Variants in DET1 observed in about 807,000 individuals in gnomAD.
DET1 encodes DET1 partner of COP1 E3 ubiquitin ligase.
DET1 carries 22 observed loss-of-function variants against 43.7 expected under a neutral mutation model. The ratio of observed to expected loss-of-function variants is 0.50; its 90% confidence interval spans 0.36 to 0.72. The LOEUF (loss-of-function observed/expected upper bound fraction) is 0.72, where lower values mean the gene tolerates loss of function less well. Ranked by LOEUF, DET1 falls within the 30% of genes least tolerant of loss-of-function variation. The pLI is 0.00. For missense variants in DET1, 713 were observed against 713.3 expected (o/e 1.00, Z 0.00); for synonymous variants, 315 against 266.2 (o/e 1.18, Z -1.79).
rs547746422 is a variant in DET1, at chr15:88,531,351, G to A, written c.355C>T (p.Arg119Trp). 29 of 1,614,004 alleles carry A rather than the reference G, an allele frequency of 1.8e-5. No individual in the cohort carries two copies. The East Asian group carries it at 2.2e-4, about 12-fold the overall frequency. ...AGGACAAAAAAGCGTTCAAAGAGCC[G>A]GCCCCGGATATTCACTGACCGCTGG... ...NDQRSVNIRG[R>W]LFERFFVLLH... Residue 119 changes from arginine (R) to tryptophan (W), a missense_variant, in exon 2 of 5, where the codon CGG (arginine) becomes TGG (tryptophan). By Grantham distance (101) the Arg-to-Trp change is moderately radical. Transcript: ENST00000268148. The surrounding 1 kb of genome is among the most constrained non-coding windows in gnomAD (Gnocchi z 6.2).
intron 1 of DET1, among the ~76,000 whole-genome samples, chr15:88,538,307 G>A (rs1457965487): frequency 6.6e-6 from 1 of 150,636 alleles, no homozygotes; most frequent in Non-Finnish European, 1.5e-5. Context: ...AGATACTGTG[G>A]CAAGCTATAT....
At chr15:88,524,407 C>A (rs544337141) in intron 3 of DET1, among the ~76,000 whole-genome samples, 1 of 152,140 alleles carries the variant, frequency 6.6e-6, no homozygotes, top group Non-Finnish European at 1.5e-5. Flanking sequence ...CCGGCTGCCC[C>A]GTCTGGGAAG....
At chr15:88,517,068 T>A in intron 3 of DET1, 95 bp from the exon 4 acceptor site, 1 of 891,642 alleles carries the variant, frequency 1.1e-6, no homozygotes, top group African/African-American at 1.8e-5. Flanking sequence ...GAACAACTCA[T>A]TCTTTAAATA....
At chr15:88,524,659 G>C (rs1460569084) in intron 3 of DET1, among the ~76,000 whole-genome samples, 2 of 152,196 alleles carry the variant, frequency 1.3e-5, no homozygotes, top group Non-Finnish European at 2.9e-5. Context: ...CCCCAACCCT[G>C]TGCTCTCTGA....
In DET1 at chr15:88,531,596, T is replaced by A; in HGVS notation, c.110A>T (p.His37Leu). The change falls in exon 2 of 5, where the codon CAC becomes CTC. Residue 37 changes from histidine (H) to leucine (L), a missense_variant. By Grantham distance (99) the His-to-Leu change is moderately conservative (BLOSUM62 -3). Transcript: ENST00000268148. This position sits in a 1 kb window ranked among gnomAD's most constrained non-coding sequence, Gnocchi z 6.2. ...ISSGKAGTHWHQVRVFHQNVF... is the reference protein window; with the variant it reads ...ISSGKAGTHWLQVRVFHQNVF... The stretch of plus-strand genomic sequence containing the variant: ...ATTCTGATGGAACACTCGGACTTGG[T>A]GCCAGTGGGTACCTGCCTTGCCTGA... The A allele has an allele frequency of 6.2e-7, 1 of 1,614,036 alleles. No individual in the cohort carries two copies. Among genetic ancestry groups the A allele is most frequent in the Non-Finnish European group, 8.5e-7 (1 of 1,179,888 alleles).
downstream of DET1, among the ~76,000 whole-genome samples, chr15:88,507,869 G>A (rs79645517): frequency 0.014 from 2,163 of 152,286 alleles, 36 homozygotes; most frequent in African/African-American, 0.049. Flanking sequence ...ACCTGTCCAC[G>A]GACTGTTAGG....
At chr15:88,513,980 T>C (rs2056273646) in intron 4 of DET1, among the ~76,000 whole-genome samples, 1 of 150,432 alleles carries the variant, frequency 6.6e-6, no homozygotes, top group South Asian at 2.1e-4. Flanking sequence ...TTTGTATTTT[T>C]AGTAGAGACG....
At chr15:88,523,088 C>A (rs1274658567) in intron 3 of DET1, among the ~76,000 whole-genome samples, 2 of 151,770 alleles carry the variant, frequency 1.3e-5, no homozygotes, top group Non-Finnish European at 2.9e-5. Context: ...GTTACCCAGG[C>A]TGGTCTTGAA....
At position 88,531,000 on chromosome 15, in the gene DET1, G is replaced by T. The variant is rs375732382; in HGVS notation, c.706C>A (p.Gln236Lys). The part of the protein sequence containing the change: ...KNILAILSVQ[Q>K]QTIHVFQVTP... ...ACCTGGAAGACATGGATGGTCTGTTGTTGCACAGACAAGATGGCCAGGATG... is the reference window on the plus strand; with the variant it reads ...ACCTGGAAGACATGGATGGTCTGTTTTTGCACAGACAAGATGGCCAGGATG... Residue 236 changes from glutamine to lysine, a missense_variant, in exon 2 of 5, where the codon CAA becomes AAA. Physicochemically the swap from Gln to Lys is moderately conservative, Grantham distance 53. Transcript: ENST00000268148. 1 of 1,613,844 alleles carries T rather than the reference G, an allele frequency of 6.2e-7. No individual in the cohort carries two copies.
At chr15:88,539,350 G>A (rs546882339) in intron 1 of DET1, among the ~76,000 whole-genome samples, 164 of 151,294 alleles carry the variant, frequency 1.1e-3, no homozygotes, top group African/African-American at 3.8e-3. Flanking sequence ...GGTTTATACC[G>A]GCCTGCCAAT....
rs760652449 is a variant in DET1 at position 88,527,757 on chromosome 15, C to T, written c.1113G>A (p.Val371=). The T allele has an allele frequency of 8.7e-6, 14 of 1,610,880 alleles. No homozygotes were observed. Among genetic ancestry groups the T allele is most frequent in the Non-Finnish European group, 1.2e-5 (14 of 1,178,396 alleles). Reference sequence around the variant, plus strand: ...CAAACACAGCAATCACCTCTGTCGTCACCATATTGTACACCACAAAGAAAG... The same window carrying T: ...CAAACACAGCAATCACCTCTGTCGTTACCATATTGTACACCACAAAGAAAG... ...QASFFVVYNM[V]TTEVIAVFEN... Residue 371 remains valine, a synonymous_variant, in exon 3 of 5, where the codon GTG becomes GTA. Coordinates refer to ENST00000268148, the MANE Select transcript of DET1 (RefSeq NM_001144074.3).
At chr15:88,517,232 T>G (rs1236925506) in intron 3 of DET1, among the ~76,000 whole-genome samples, 1 of 150,750 alleles carries the variant, frequency 6.6e-6, no homozygotes, top group South Asian at 2.1e-4. Context: ...GGGTTTTTTT[T>G]TTTTTTTTTT....
chr15:88,543,664 A>C (rs148420048), intron 1 of DET1, among the ~76,000 whole-genome samples: 6 of 152,266 alleles, frequency 3.9e-5, no homozygotes, highest in Non-Finnish European at 8.8e-5. Context: ...ACCAGCAAAC[A>C]CCTCAGTGCA....
At chr15:88,511,865 T>A (rs763059176), downstream of DET1, among the ~76,000 whole-genome samples, 1 of 152,266 alleles carries the variant, frequency 6.6e-6, no homozygotes. Context: ...TCCAGCTGTT[T>A]GCATCCATGG....
rs188274634 is a variant in DET1, at chr15:88,517,208, T to C, written c.1272-235A>G. On this transcript the variant is annotated intron_variant, in intron 3 of 4. Transcript: ENST00000268148. ...GGAAAACAACAAATTACTTTAGAAA[T>C]GTGTTTGGGTTTTGGGTTTTTTTTT... Among the ~76,000 whole-genome samples the C allele has an allele frequency of 5.3e-5, 8 of 150,780 alleles. No homozygotes were observed. In the East Asian group the frequency reaches 1.6e-3, roughly 29 times the overall value.
intron 7 of DET1, among the ~76,000 whole-genome samples, chr15:88,507,313 C>T (rs967856391): frequency 6.6e-6 from 1 of 152,204 alleles, no homozygotes; most frequent in African/African-American, 2.4e-5. Context: ...ATAGGCATTT[C>T]AAAACTAGCA....
At chr15:88,506,120 A>G (rs1438826838) in intron 7 of DET1, among the ~76,000 whole-genome samples, 1 of 152,218 alleles carries the variant, frequency 6.6e-6, no homozygotes, top group Non-Finnish European at 1.5e-5. Flanking sequence ...AGAGGGGAGA[A>G]GGCAGGGTGC....
At chr15:88,528,161 C>G (rs958368444) in intron 2 of DET1, among the ~76,000 whole-genome samples, 4 of 152,218 alleles carry the variant, frequency 2.6e-5, no homozygotes, top group African/African-American at 4.8e-5. Context: ...CCTACTCGCT[C>G]CCCAACCCAC....
At position 88,536,770 on chromosome 15, in the gene DET1, C is replaced by CAAAAAAAAAAAAAA. The variant is rs58177778; in HGVS notation, c.-10-5069_-10-5056dup. Among the ~76,000 whole-genome samples the CAAAAAAAAAAAAAA allele has an allele frequency of 4.2e-4, 20 of 48,062 alleles. No individual in the cohort carries two copies. The South Asian group carries it at 4.4e-3, about 11-fold the overall frequency. 31.5% of individuals were successfully genotyped at this position (48,062 alleles called of 152,430 possible). A position where few individuals can be genotyped will look rare whatever the true frequency, so the allele number is the denominator to read the frequency against. On this transcript the variant is annotated intron_variant, in intron 1 of 4. Transcript: ENST00000268148. Reference sequence around the variant, plus strand: ...TGGGCAACAGAGCAAGACTCCATCTCAAAAAAAAAAAAAAAAAAAGGAACA... The same window carrying CAAAAAAAAAAAAAA: ...TGGGCAACAGAGCAAGACTCCATCTCAAAAAAAAAAAAAAAAAAAAAAAAAAAAAAAAAGGAACA...
Sources: allele counts gnomAD v4.1 joint callset (sites outside exome capture counted in the v4.1 genomes callset), GRCh38; gene constraint gnomAD v4.1.1; non-coding constraint Gnocchi (gnomAD v3.1); transcripts MANE v1.5; gene names NCBI Gene and HGNC (gene_info 2026-07-23, HGNC 2026-07-21).